Variants in FHIT observed in about 807,000 individuals in gnomAD.
FHIT encodes fragile histidine triad diadenosine triphosphatase.
Under a neutral mutation model 17.9 loss-of-function variants are expected in FHIT, and 19 were observed. The observed-to-expected ratio is 1.06, with a 90% CI of 0.74 to 1.56. The LOEUF is 1.56. FHIT is among the 40% of genes most tolerant of loss of function. FHIT has a pLI of 0.00. For synonymous variants in FHIT, 81 were observed against 69.7 expected (o/e 1.16, Z -0.81); for missense variants, 248 against 189.2 (o/e 1.31, Z -1.82).
intron 3 of FHIT, among the ~76,000 whole-genome samples, chr3:60,866,917 CT>C (rs1418323627): frequency 6.6e-6 from 1 of 152,140 alleles, no homozygotes; most frequent in Non-Finnish European, 1.5e-5. Context: ...TCCCCATTGA[CT>C]GTTGAAATTG....
At chr3:61,182,542 A>C (rs4688332) in intron 2 of FHIT, among the ~76,000 whole-genome samples, 7,830 of 152,274 alleles carry the variant, frequency 0.051, 243 homozygotes, top group Middle Eastern at 0.12. Context: ...TCATGTGACT[A>C]ACCAAAAATG....
intron 5 of FHIT, among the ~76,000 whole-genome samples, chr3:60,451,928 C>T (rs2031773787): frequency 6.6e-6 from 1 of 152,112 alleles, no homozygotes; most frequent in Non-Finnish European, 1.5e-5. Flanking sequence ...CCTGAGGCCA[C>T]CCACTTCCAA....
intron 5 of FHIT, among the ~76,000 whole-genome samples, chr3:60,326,683 A>T (rs1709711137): frequency 6.6e-6 from 1 of 152,124 alleles, no homozygotes; most frequent in Non-Finnish European, 1.5e-5. Context: ...TGTGTACGAT[A>T]TTTAAAAAAT....
intron 5 of FHIT, among the ~76,000 whole-genome samples, chr3:60,447,634 G>T (rs767467337): frequency 7.9e-5 from 12 of 152,066 alleles, no homozygotes; most frequent in Non-Finnish European, 1.6e-4. Flanking sequence ...TGGACACTAG[G>T]CAGAGGAATA....
intron 4 of FHIT, among the ~76,000 whole-genome samples, chr3:60,799,583 T>C (rs1701112914): frequency 6.6e-6 from 1 of 152,218 alleles, no homozygotes; most frequent in Non-Finnish European, 1.5e-5. Flanking sequence ...GGCCTTTTAT[T>C]GTACTTCTAA....
At chr3:59,986,064 G>A (rs776731236) in intron 7 of FHIT, among the ~76,000 whole-genome samples, 2 of 151,958 alleles carry the variant, frequency 1.3e-5, no homozygotes, top group Non-Finnish European at 2.9e-5. Context: ...CACATGTCAA[G>A]GAATACTCCA....
At chr3:60,077,774 A>C (rs1483205576) in intron 5 of FHIT, among the ~76,000 whole-genome samples, 1 of 151,228 alleles carries the variant, frequency 6.6e-6, no homozygotes, top group African/African-American at 2.4e-5. Context: ...ATGTAGGATG[A>C]ACAAGTCTAG....
intron 5 of FHIT, among the ~76,000 whole-genome samples, chr3:60,120,728 A>G (rs1483280643): frequency 6.6e-6 from 1 of 152,216 alleles, no homozygotes; most frequent in East Asian, 1.9e-4. Flanking sequence ...GCAAGTTTCA[A>G]GACAGGTACT....
At chr3:60,691,223 C>T (rs2040981992) in intron 4 of FHIT, among the ~76,000 whole-genome samples, 1 of 152,084 alleles carries the variant, frequency 6.6e-6, no homozygotes, top group South Asian at 2.1e-4. Context: ...TCAAGAACAT[C>T]TGTGATTCTT....
chr3:61,224,869 T>C (rs968809114), intron 1 of FHIT, among the ~76,000 whole-genome samples: 12 of 152,206 alleles, frequency 7.9e-5, no homozygotes, highest in East Asian at 1.9e-4. Context: ...CACACACACA[T>C]ATATATATAC....
intron 7 of FHIT, among the ~76,000 whole-genome samples, chr3:59,974,575 T>C (rs940569425): frequency 2.6e-5 from 4 of 152,130 alleles, no homozygotes; most frequent in Admixed American, 1.3e-4. Context: ...GACATTTAAG[T>C]GGCAGTGACA....
intron 4 of FHIT, among the ~76,000 whole-genome samples, chr3:60,621,942 C>T (rs1175734722): frequency 6.6e-6 from 1 of 151,900 alleles, no homozygotes; most frequent in East Asian, 1.9e-4. Flanking sequence ...TTCATCCACA[C>T]AGCTAGTATG....
rs532060095 is a variant in FHIT at position 60,372,111 on chromosome 3, T to C, written c.103+164749A>G. ...GAATGGCTTAAATGCATCATGTACTTTTACCCAAATGGTCTCTGAACAAGA... is the reference window on the plus strand; with the variant it reads ...GAATGGCTTAAATGCATCATGTACTCTTACCCAAATGGTCTCTGAACAAGA... On this transcript the variant is annotated intron_variant, in intron 5 of 9. Transcript: ENST00000492590. Among the ~76,000 whole-genome samples, 44 of 152,256 alleles carry C rather than the reference T, an allele frequency of 2.9e-4. No individual in the cohort carries two copies. The Middle Eastern group carries it at 0.048, about 165-fold the overall frequency.
intron 5 of FHIT, among the ~76,000 whole-genome samples, chr3:60,050,923 C>A (rs1027275240): frequency 6.6e-6 from 1 of 152,164 alleles, no homozygotes; most frequent in African/African-American, 2.4e-5. Context: ...TTAATTCATG[C>A]ATTCAATCAA....
At chr3:60,379,242 A>G (rs1700703406) in intron 5 of FHIT, among the ~76,000 whole-genome samples, 1 of 152,112 alleles carries the variant, frequency 6.6e-6, no homozygotes, top group Non-Finnish European at 1.5e-5. Flanking sequence ...CTAAATTTAA[A>G]TACATCCTTC....
chr3:60,419,347 T>C lies in FHIT; in HGVS notation c.103+117513A>G, dbSNP rs143143382. ...TTCTTCATCTTGCCTCAGTTATTAT[T>C]TGAAATGTGCTTGTTTCCTTAGTCA... On this transcript the variant is annotated intron_variant, in intron 5 of 9. Coordinates refer to ENST00000492590, the MANE Select transcript of FHIT (RefSeq NM_002012.4). Among the ~76,000 whole-genome samples, 40 of 152,350 alleles carry C rather than the reference T, an allele frequency of 2.6e-4. No individual in the cohort carries two copies. In the East Asian group the frequency reaches 7.5e-3, roughly 29 times the overall value.
intron 5 of FHIT, among the ~76,000 whole-genome samples, chr3:60,467,212 C>T (rs1289783018): frequency 6.6e-6 from 1 of 151,054 alleles, no homozygotes; most frequent in African/African-American, 2.4e-5. Context: ...ATTGTAATGT[C>T]TCCTTTTTCA....
chr3:60,302,662 G>T (rs558921800), intron 5 of FHIT, among the ~76,000 whole-genome samples: 1 of 152,064 alleles, frequency 6.6e-6, no homozygotes, highest in East Asian at 1.9e-4. Flanking sequence ...GTTGTCTTTC[G>T]TATTCCCCAG....
At chr3:60,353,372 T>G (rs889237179) in intron 5 of FHIT, among the ~76,000 whole-genome samples, 3 of 152,114 alleles carry the variant, frequency 2.0e-5, no homozygotes, top group African/African-American at 7.2e-5. Context: ...ATACTACATA[T>G]CAAGTGCTCT....
Sources: gnomAD v4.1 joint callset for allele counts (sites outside exome capture counted in the v4.1 genomes callset) on GRCh38, gnomAD v4.1.1 for gene constraint, MANE v1.5 for transcripts, NCBI Gene and HGNC (gene_info 2026-07-23, HGNC 2026-07-21) for gene names.